The following OXNAD1 variants were observed in gnomAD, a reference collection of about 807,000 sequenced individuals.
The protein encoded by OXNAD1 is oxidoreductase NAD-binding domain-containing protein 1.
In OXNAD1, 34 loss-of-function variants were observed where a neutral mutation model predicts 32.9. The ratio of observed to expected loss-of-function variants is 1.03; its 90% CI spans 0.79 to 1.38. OXNAD1 has a LOEUF of 1.38. Among genes scored for constraint, OXNAD1 ranks in the 40% most tolerant of loss-of-function variants. The probability of loss-of-function intolerance (pLI) is 0.00; values close to 1 mark genes in which losing one functional copy is unlikely to be tolerated. For synonymous variants in OXNAD1, 134 were observed against 135.2 expected (o/e 0.99, Z 0.06); for missense variants, 407 against 379.4 (o/e 1.07, Z -0.60).
chr3:16,272,326 G>T, intron 4 of OXNAD1: 2 of 245,966 alleles, frequency 8.1e-6, no homozygotes, highest in Admixed American at 5.4e-5. Flanking sequence ...ACCTCAGTGA[G>T]TAACCCCATT....
At position 16,284,600 on chromosome 3, in the gene OXNAD1, T is replaced by C. The variant is rs1018037132; in HGVS notation, c.184-1742T>C. ...ATATGTGCTTTGTCGTTGACCAAAATGTCGTTGCACAGCACATGACTGTAC... is the reference window on the plus strand; with the variant it reads ...ATATGTGCTTTGTCGTTGACCAAAACGTCGTTGCACAGCACATGACTGTAC... On this transcript the variant is annotated intron_variant, in intron 4 of 8. Transcript: ENST00000285083. This position sits in a 1 kb window ranked among gnomAD's most constrained non-coding sequence, Gnocchi z 4.1. Among the ~76,000 whole-genome samples the C allele has an allele frequency of 9.2e-5, 14 of 152,260 alleles. No individual in the cohort carries two copies. Among genetic ancestry groups the C allele is most frequent in the African/African-American group, 3.4e-4 (14 of 41,476 alleles).
At chr3:16,276,907 G>C (rs1210036332) in intron 4 of OXNAD1, among the ~76,000 whole-genome samples, 4 of 145,702 alleles carry the variant, frequency 2.7e-5, no homozygotes, top group Non-Finnish European at 6.0e-5. Flanking sequence ...CTCCTCTTCT[G>C]TTTCTTTTTC....
At chr3:16,313,973 T>TC (rs1423792972) in intron 9 of OXNAD1, among the ~76,000 whole-genome samples, 1 of 152,114 alleles carries the variant, frequency 6.6e-6, no homozygotes, top group African/African-American at 2.4e-5. Flanking sequence ...CACTACCCTC[T>TC]CCTGAGCCTC....
chr3:16,315,411 T>C (rs769574930), intron 9 of OXNAD1, among the ~76,000 whole-genome samples: 9 of 152,202 alleles, frequency 5.9e-5, no homozygotes, highest in Non-Finnish European at 1.3e-4. Flanking sequence ...CCACCATGCC[T>C]GGCCTACAAA....
intron 4 of OXNAD1, among the ~76,000 whole-genome samples, chr3:16,283,203 T>C (rs71310333): frequency 1.3e-4 from 20 of 152,326 alleles, no homozygotes; most frequent in Non-Finnish European, 2.5e-4. Flanking sequence ...TGCAAGGCTC[T>C]GTGAGGGCAG....
rs767104062 is a variant in OXNAD1, at chr3:16,290,151, TC to T, written c.290+3705del. ...GGTGTGTCATGGTTGGATGTGGACATCCACTGCTTCACCGCGCACCTAGGCT... is the reference window on the plus strand; with the variant it reads ...GGTGTGTCATGGTTGGATGTGGACATCACTGCTTCACCGCGCACCTAGGCT... On this transcript the variant is annotated intron_variant, in intron 5 of 8. Coordinates refer to ENST00000285083, the MANE Select transcript of OXNAD1 (RefSeq NM_138381.5). This position sits in a 1 kb window ranked among gnomAD's most constrained non-coding sequence, Gnocchi z 4.2. Among the ~76,000 whole-genome samples, 1 of 152,164 alleles carries T rather than the reference TC, an allele frequency of 6.6e-6. No individual in the cohort carries two copies. Among genetic ancestry groups the T allele is most frequent in the African/African-American group, 2.4e-5 (1 of 41,438 alleles).
downstream of OXNAD1, among the ~76,000 whole-genome samples, chr3:16,308,106 A>T (rs957058907): frequency 2.0e-5 from 3 of 152,224 alleles, no homozygotes; most frequent in Non-Finnish European, 4.4e-5. The surrounding 1 kb of genome is among the most constrained non-coding windows in gnomAD (Gnocchi z 4.4). Flanking sequence ...TCTTAGGAGC[A>T]AGTTAAATAC....
chr3:16,301,936 C>T lies in OXNAD1; in HGVS notation c.675+68C>T. 1 of 1,545,302 alleles carries T rather than the reference C, an allele frequency of 6.5e-7. No homozygotes were observed. The highest frequency in any genetic ancestry group is 8.7e-7 in the Non-Finnish European group (1 of 1,147,806). On this transcript the variant is annotated intron_variant, in intron 7 of 8. Coordinates refer to ENST00000285083, the MANE Select transcript of OXNAD1 (RefSeq NM_138381.5). The surrounding 1 kb of genome is among the most constrained non-coding windows in gnomAD (Gnocchi z 4.1). ...TATTAATTGTTCATGAAAGTTTTTT[C>T]TCTAGGTTTTGTTTTCTCTGCAAAG...
At chr3:16,273,384 GTTT>G (rs34572763) in intron 4 of OXNAD1, among the ~76,000 whole-genome samples, 1 of 121,010 alleles carries the variant, frequency 8.3e-6, no homozygotes, top group Non-Finnish European at 1.6e-5. Context: ...GTATTTTCTT[GTTT>G]TTTTTTTTTT....
Position 16,271,565 on chromosome 3 carries a change from T to A in OXNAD1, c.120-94T>A. 2 of 1,042,806 alleles carry A rather than the reference T, an allele frequency of 1.9e-6. No individual in the cohort carries two copies. Among genetic ancestry groups the A allele is most frequent in the Non-Finnish European group, 2.7e-6 (2 of 727,854 alleles). 64.6% of individuals were successfully genotyped at this position (1,042,806 alleles called of 1,614,324 possible). On this transcript the variant is annotated intron_variant, in intron 3 of 8. Transcript: ENST00000285083. This position sits in a 1 kb window ranked among gnomAD's most constrained non-coding sequence, Gnocchi z 4.6. ...TTTTATAGGATCTGTAATGTTACAC[T>A]GTATTTAGGATAACCATGATATTTC...
chr3:16,273,202 CA>C lies in OXNAD1; in HGVS notation c.183+1481del, dbSNP rs556848468. 9.9e-5 allele frequency among the ~76,000 whole-genome samples: 15 copies of C among 152,224 alleles called. No homozygotes were observed. In the East Asian group the frequency reaches 2.9e-3, roughly 29 times the overall value. ...ATATAAGCAAAAAAGAATCATCAAGCATTTACAAACAATTAGTATATTATTT... is the reference window on the plus strand; with the variant it reads ...ATATAAGCAAAAAAGAATCATCAAGCTTTACAAACAATTAGTATATTATTT... On this transcript the variant is annotated intron_variant, in intron 4 of 8. Coordinates refer to ENST00000285083, the MANE Select transcript of OXNAD1 (RefSeq NM_138381.5).
At chr3:16,285,325 TG>T (rs2066000015) in intron 4 of OXNAD1, among the ~76,000 whole-genome samples, 1 of 152,180 alleles carries the variant, frequency 6.6e-6, no homozygotes, top group Admixed American at 6.5e-5. Flanking sequence ...TCATTGACCT[TG>T]ACAGATTTCC....
At chr3:16,337,643 G>A (rs1021823712), downstream of OXNAD1, among the ~76,000 whole-genome samples, 1 of 151,586 alleles carries the variant, frequency 6.6e-6, no homozygotes, top group Non-Finnish European at 1.5e-5. The surrounding 1 kb of genome is among the most constrained non-coding windows in gnomAD (Gnocchi z 5.0). Context: ...TCGGGAGGCT[G>A]AGGCAGGAGA....
At chr3:16,267,912 G>T (rs1220540671) in intron 1 of OXNAD1, among the ~76,000 whole-genome samples, 1 of 152,160 alleles carries the variant, frequency 6.6e-6, no homozygotes, top group African/African-American at 2.4e-5. Flanking sequence ...GTTGCTTTCA[G>T]AAGTTTGTTT....
rs184412655 is a variant in OXNAD1 at position 16,299,947 on chromosome 3, G to A, written c.433-1679G>A. The stretch of plus-strand genomic sequence containing the variant: ...GATACTCGGGAGTTCCACCCACTGT[G>A]AGTCAGTTCATGTTCACACCAACCC... On this transcript the variant is annotated intron_variant, in intron 6 of 8. Transcript: ENST00000285083. This position sits in a 1 kb window ranked among gnomAD's most constrained non-coding sequence, Gnocchi z 4.4. 2.2e-3 allele frequency among the ~76,000 whole-genome samples: 337 copies of A among 152,348 alleles called. 2 individuals are homozygous for A. The highest frequency in any genetic ancestry group is 7.9e-3 in the African/African-American group (329 of 41,582).
chr3:16,307,943 CTGAT>C (rs2067684492), downstream of OXNAD1, among the ~76,000 whole-genome samples: 1 of 152,012 alleles, frequency 6.6e-6, no homozygotes, highest in Non-Finnish European at 1.5e-5. Flanking sequence ...AAATAACAGC[CTGAT>C]TGTATGAAAA....
At position 16,286,357 on chromosome 3, in the gene OXNAD1, A is replaced by G; in HGVS notation, c.199A>G (p.Lys67Glu). Residue 67 changes from lysine to glutamate, a missense_variant, in exon 5 of 9, where the codon AAG (lysine) becomes GAG (glutamate). Transcript: ENST00000285083. The part of the protein sequence containing the change: ...VLRREIVSAA[K>E]VCGAASESPS... ...TTGGTTTTAGATTGTGTCAGCAGCT[A>G]AGGTGTGTGGAGCTGCCAGTGAGTC... is the stretch of plus-strand genomic sequence containing the variant. The G allele has an allele frequency of 3.1e-6, 5 of 1,613,232 alleles. No homozygotes were observed. Among genetic ancestry groups the G allele is most frequent in the Non-Finnish European group, 4.2e-6 (5 of 1,179,246 alleles).
intron 9 of OXNAD1, among the ~76,000 whole-genome samples, chr3:16,330,336 G>A (rs73039442): frequency 6.5e-4 from 99 of 152,300 alleles, no homozygotes; most frequent in Non-Finnish European, 1.1e-3. Context: ...ATCACAGCCC[G>A]TTTGCATATT....
At chr3:16,269,940 G>C (rs896270602) in intron 2 of OXNAD1, among the ~76,000 whole-genome samples, 2 of 152,304 alleles carry the variant, frequency 1.3e-5, no homozygotes, top group Admixed American at 6.5e-5. Context: ...AATTGACATA[G>C]GAAAATGATG....
Sources: gnomAD v4.1 joint callset for allele counts (sites outside exome capture counted in the v4.1 genomes callset) on GRCh38, gnomAD v4.1.1 for gene constraint, Gnocchi (gnomAD v3.1) non-coding constraint, MANE v1.5 for transcripts, NCBI Gene and HGNC (gene_info 2026-07-23, HGNC 2026-07-21) for gene names.